The following ANO5 variants were observed in gnomAD, a reference collection of about 807,000 sequenced individuals.
ANO5 encodes the protein anoctamin 5.
ANO5 carries 109 observed loss-of-function variants against 121.0 expected under a neutral mutation model. That is an observed-to-expected ratio of 0.90 (90% CI 0.77 to 1.06). ANO5 has a LOEUF of 1.06. ANO5 is among the 50% of genes least tolerant of loss of function. The pLI is 0.00. For missense variants in ANO5, 1,064 were observed against 1,078.5 expected (o/e 0.99, Z 0.19); for synonymous variants, 406 against 359.9 (o/e 1.13, Z -1.45).
At chr11:22,272,660 G>A (rs1196373646) in intron 18 of ANO5, 124 bp from the exon 19 acceptor site, 6 of 882,536 alleles carry the variant, frequency 6.8e-6, no homozygotes, top group Non-Finnish European at 1.1e-5. Context: ...CAGACGGATG[G>A]AAGCCTGGAT....
intron 9 of ANO5, among the ~76,000 whole-genome samples, chr11:22,244,335 AT>A (rs1486405240): frequency 6.6e-6 from 1 of 151,816 alleles, no homozygotes; most frequent in East Asian, 1.9e-4. Context: ...CTGCCTTTAA[AT>A]TTTTTTGTTC....
rs1855019989 is a variant in ANO5 at position 22,279,884 on chromosome 11, T to A, written c.*119T>A. On this transcript the variant is annotated 3_prime_UTR_variant, in exon 22 of 22. Coordinates refer to ENST00000324559, the MANE Select transcript of ANO5 (RefSeq NM_213599.3). ...CCTTTCTTTTTTTTTTTTTTCTTTT[T>A]TTTTTTAAACTCAAAGTTTTTATAC... is the stretch of plus-strand genomic sequence containing the variant. The A allele has an allele frequency of 2.2e-6, 2 of 917,580 alleles. No homozygotes were observed. The highest frequency in any genetic ancestry group is 3.2e-5 in the South Asian group (2 of 63,226). 56.8% of individuals were successfully genotyped at this position (917,580 alleles called of 1,614,324 possible).
chr11:22,270,164 C>T (rs1184521737), intron 17 of ANO5, 148 bp from the exon 18 acceptor site: 6 of 1,015,414 alleles, frequency 5.9e-6, no homozygotes, highest in Admixed American at 4.6e-5. Context: ...TTTTGACTTG[C>T]GCTTTGGCTG....
At chr11:22,249,922 A>G (rs954548070) in intron 9 of ANO5, among the ~76,000 whole-genome samples, 1 of 152,184 alleles carries the variant, frequency 6.6e-6, no homozygotes, top group Admixed American at 6.5e-5. Context: ...AATTCTCTTT[A>G]TAATACAGAG....
At position 22,250,656 on chromosome 11, in the gene ANO5, T is replaced by C. The variant is rs891097960; in HGVS notation, c.1014-85T>C. The C allele has an allele frequency of 6.8e-6, 9 of 1,323,660 alleles. No homozygotes were observed. In the African/African-American group the frequency reaches 8.7e-5, roughly 13 times the overall value. The allele number at this position is 1,323,660 out of a possible 1,614,324, so 82.0% of individuals were successfully genotyped here. ...CCCTTCTGTTATATGTGAGAAGTTA[T>C]ATAAGTAGTTGTTCTAATAAGAACA... On this transcript the variant is annotated intron_variant, in intron 10 of 21. Transcript: ENST00000324559.
chr11:22,214,208 A>C (rs1284159954), intron 3 of ANO5, among the ~76,000 whole-genome samples: 12 of 151,868 alleles, frequency 7.9e-5, no homozygotes, highest in Non-Finnish European at 1.2e-4. Context: ...ACTTGGCTGG[A>C]AGCTTTTCAG....
chr11:22,279,551 T>C lies in ANO5; in HGVS notation c.2528T>C (p.Val843Ala). Residue 843 changes from valine to alanine, a missense_variant, in exon 22 of 22, where the codon GTG (valine) becomes GCG (alanine). By Grantham distance (64) the Val-to-Ala change is moderately conservative. Transcript: ENST00000324559. Reference protein sequence around the residue: ...MTFIIVMEHVVFLVKFLLAWM... With the variant: ...MTFIIVMEHVAFLVKFLLAWM... ...CCTTTATATTTCCTCTAGCATGTTG[T>C]GTTTTTAGTTAAATTTTTGCTGGCC... 1 of 1,610,594 alleles carries C rather than the reference T, an allele frequency of 6.2e-7. No individual in the cohort carries two copies. Among genetic ancestry groups the C allele is most frequent in the Non-Finnish European group, 8.5e-7 (1 of 1,177,440 alleles).
Position 22,221,156 on chromosome 11 carries a change from T to G in ANO5, c.240T>G (p.Ile80Met). ...SIFFRDGIRQIDFVLSYVDDV... is the reference protein window; with the variant it reads ...SIFFRDGIRQMDFVLSYVDDV... ...TCTTCCGAGATGGGATTAGGCAAAT[T>G]GATTTTGTGCTTTCCTACGTTGATG... is the stretch of plus-strand genomic sequence containing the variant. The change falls in exon 5 of 22, where the codon ATT becomes ATG. Residue 80 changes from isoleucine (I) to methionine (M), a missense_variant. Coordinates refer to ENST00000324559, the MANE Select transcript of ANO5 (RefSeq NM_213599.3). The G allele has an allele frequency of 6.2e-7, 1 of 1,612,030 alleles. No homozygotes were observed. Among genetic ancestry groups the G allele is most frequent in the Non-Finnish European group, 8.5e-7 (1 of 1,178,724 alleles).
chr11:22,258,654 T>A (rs1449331756), intron 14 of ANO5, among the ~76,000 whole-genome samples: 1 of 152,164 alleles, frequency 6.6e-6, no homozygotes, highest in African/African-American at 2.4e-5. Context: ...TGAGGGGAAA[T>A]GAAATACAAT....
In ANO5 at chr11:22,226,154, A is replaced by G. The variant is rs138080622; in HGVS notation, c.363+102A>G. Reference sequence around the variant, plus strand: ...AGACTCTGTGTTTGGGGGCAATACAATAGCTCTTTTGGCTACAGATATGTG... The same window carrying G: ...AGACTCTGTGTTTGGGGGCAATACAGTAGCTCTTTTGGCTACAGATATGTG... On this transcript the variant is annotated intron_variant, in intron 6 of 21. Transcript: ENST00000324559. 323 of 945,104 alleles carry G rather than the reference A, an allele frequency of 3.4e-4. No individual in the cohort carries two copies. In the African/African-American group the frequency reaches 4.6e-3, roughly 13 times the overall value. 58.5% of individuals were successfully genotyped at this position (945,104 alleles called of 1,614,324 possible). A position where few individuals can be genotyped will look rare whatever the true frequency, so the allele number is the denominator to read the frequency against.
At position 22,259,112 on chromosome 11, in the gene ANO5, G is replaced by A. The variant is rs576186152; in HGVS notation, c.1408-407G>A. Among the ~76,000 whole-genome samples, 36 of 142,520 alleles carry A rather than the reference G, an allele frequency of 2.5e-4. No homozygotes were observed. The East Asian group carries it at 6.5e-3, about 26-fold the overall frequency. The allele number at this position is 142,520 out of a possible 152,430, so 93.5% of individuals were successfully genotyped here. ...CACGCCACTGCACTCCAGCCTGGGCGACAGAGCGAGACTCTGTCTCAAAAA... is the reference window on the plus strand; with the variant it reads ...CACGCCACTGCACTCCAGCCTGGGCAACAGAGCGAGACTCTGTCTCAAAAA... On this transcript the variant is annotated intron_variant, in intron 14 of 21. Coordinates refer to ENST00000324559, the MANE Select transcript of ANO5 (RefSeq NM_213599.3).
intron 1 of ANO5, among the ~76,000 whole-genome samples, chr11:22,196,156 G>A (rs891385004): frequency 1.4e-4 from 22 of 151,886 alleles, no homozygotes; most frequent in Admixed American, 9.2e-4. Flanking sequence ...AAAATATTTC[G>A]CTTTTGGTTC....
chr11:22,278,292 A>G (rs1282257060), intron 21 of ANO5, among the ~76,000 whole-genome samples: 1 of 151,680 alleles, frequency 6.6e-6, no homozygotes, highest in African/African-American at 2.4e-5. Context: ...AGATCTAAAA[A>G]CGTACTTACC....
Position 22,282,602 on chromosome 11 carries a change from G to A in ANO5, c.*2837G>A, listed in dbSNP as rs1855122156. ...CTTTGGAAGAAAGAGCTGTTCCGAGGAAGTTTGGTCCAGCTGTGGTTGATA... is the reference window on the plus strand; with the variant it reads ...CTTTGGAAGAAAGAGCTGTTCCGAGAAAGTTTGGTCCAGCTGTGGTTGATA... On this transcript the variant is annotated 3_prime_UTR_variant, in exon 22 of 22. Transcript: ENST00000324559. 6.6e-6 allele frequency: 1 copy of A among 152,130 alleles called. No homozygotes were observed. Among genetic ancestry groups the A allele is most frequent in the Non-Finnish European group, 1.5e-5 (1 of 67,990 alleles). 9.4% of individuals were successfully genotyped at this position (152,130 alleles called of 1,614,324 possible).
At chr11:22,268,318 A>T (rs191501609) in intron 17 of ANO5, among the ~76,000 whole-genome samples, 1 of 152,172 alleles carries the variant, frequency 6.6e-6, no homozygotes, top group African/African-American at 2.4e-5. Flanking sequence ...GTCAACATTT[A>T]AATTGGACCT....
At position 22,239,608 on chromosome 11, in the gene ANO5, A is replaced by G; in HGVS notation, c.802A>G (p.Asn268Asp). 1 of 1,612,924 alleles carries G rather than the reference A, an allele frequency of 6.2e-7. No individual in the cohort carries two copies. Among genetic ancestry groups the G allele is most frequent in the Non-Finnish European group, 8.5e-7 (1 of 1,179,162 alleles). ...WKPSEPPNPT[N>D]ERYTLHQNWA... is the part of the protein sequence containing the mutation. Reference sequence around the variant, plus strand: ...GCCATCAGAACCTCCCAATCCTACCAATGAAAGATACACACTTCACCAGAA... The same window carrying G: ...GCCATCAGAACCTCCCAATCCTACCGATGAAAGATACACACTTCACCAGAA... Residue 268 changes from asparagine to aspartate, a missense_variant, in exon 9 of 22, where the codon AAT (asparagine) becomes GAT (aspartate). Physicochemically the swap from Asn to Asp is conservative, Grantham distance 23 (BLOSUM62 1). Transcript: ENST00000324559.
At chr11:22,208,405 C>T (rs1651161785) in intron 2 of ANO5, among the ~76,000 whole-genome samples, 1 of 151,876 alleles carries the variant, frequency 6.6e-6, no homozygotes, top group African/African-American at 2.4e-5. Flanking sequence ...GGACATTGTG[C>T]TAAGTGGAAA....
Position 22,226,057 on chromosome 11 carries a change from A to T in ANO5, c.363+5A>T. The T allele has an allele frequency of 1.9e-6, 3 of 1,593,058 alleles. No individual in the cohort carries two copies. The South Asian group carries it at 3.3e-5, about 18-fold the overall frequency. On this transcript the variant is annotated splice_donor_5th_base_variant and intron_variant, in intron 6 of 21. Transcript: ENST00000324559. ...TTGGAAATAGAAGACAAAAGGGTAA[A>T]TGTAGTTGATAATTTATACAAGCCT... is the stretch of plus-strand genomic sequence containing the variant.
chr11:22,243,471 A>G lies in ANO5; in HGVS notation c.878+3787A>G, dbSNP rs773376645. Among the ~76,000 whole-genome samples, 163 of 152,036 alleles carry G rather than the reference A, an allele frequency of 1.1e-3. 1 individual carries two copies. The highest frequency in any genetic ancestry group is 2.3e-3 in the South Asian group (11 of 4,814). On this transcript the variant is annotated intron_variant, in intron 9 of 21. Transcript: ENST00000324559. ...AAGCCTTTCCTTTTTGAGTTTTTGGAATAGTTTCAGCAGGGTTGTTACAAG... is the reference window on the plus strand; with the variant it reads ...AAGCCTTTCCTTTTTGAGTTTTTGGGATAGTTTCAGCAGGGTTGTTACAAG...
Sources: gnomAD v4.1 joint callset for allele counts (sites outside exome capture counted in the v4.1 genomes callset) on GRCh38, gnomAD v4.1.1 for gene constraint, MANE v1.5 for transcripts, NCBI Gene and HGNC (gene_info 2026-07-23, HGNC 2026-07-21) for gene names.